The following KCNIP4 variants were observed in gnomAD, a reference collection of about 807,000 sequenced individuals.
KCNIP4 encodes the protein potassium voltage-gated channel interacting protein 4, also known as Kv channel-interacting protein 4.
KCNIP4 carries 12 observed loss-of-function variants against 34.0 expected under a neutral mutation model. The observed-to-expected ratio is 0.35, with a 90% confidence interval of 0.23 to 0.57. The LOEUF (loss-of-function observed/expected upper bound fraction) is 0.57, where lower values mean the gene tolerates loss of function less well. Ranked by LOEUF, KCNIP4 falls within the 20% of genes least tolerant of loss-of-function variation. The probability of loss-of-function intolerance (pLI) is 0.83; values close to 1 mark genes in which losing one functional copy is unlikely to be tolerated. For synonymous variants in KCNIP4, 124 were observed against 102.2 expected, an observed-to-expected ratio of 1.21 and a Z score of -1.29; for missense variants, 238 against 311.7, an observed-to-expected ratio of 0.76 and a Z score of 1.78.
At chr4:21,411,491 A>C (rs1560379502) in intron 1 of KCNIP4, among the ~76,000 whole-genome samples, 1 of 152,208 alleles carries the variant, frequency 6.6e-6, no homozygotes, top group Non-Finnish European at 1.5e-5. Flanking sequence ...AAGACCAAAG[A>C]AAATGTCTTT....
intron 8 of KCNIP4, 129 bp from the exon 9 acceptor site, chr4:20,730,258 G>GTGTT (rs558195532): frequency 5.6e-5 from 66 of 1,180,114 alleles, no homozygotes; most frequent in South Asian, 4.0e-4. Context: ...CAAATATTAA[G>GTGTT]TGTTTGCAAA....
At chr4:21,839,217 T>C (rs1441258354) in intron 1 of KCNIP4, among the ~76,000 whole-genome samples, 1 of 152,164 alleles carries the variant, frequency 6.6e-6, no homozygotes, top group African/African-American at 2.4e-5. Flanking sequence ...TGTAATTGAA[T>C]AATAAATCAA....
intron 1 of KCNIP4, among the ~76,000 whole-genome samples, chr4:21,409,711 G>C (rs796624119): frequency 6.6e-6 from 1 of 152,166 alleles, no homozygotes; most frequent in Non-Finnish European, 1.5e-5. Context: ...TAGGAAAAAA[G>C]GGGTCGATAA....
chr4:20,827,824 CAAAG>C (rs1717943808), intron 3 of KCNIP4, among the ~76,000 whole-genome samples: 2 of 126,184 alleles, frequency 1.6e-5, no homozygotes, highest in Non-Finnish European at 3.4e-5. Context: ...AAAAAAAAAA[CAAAG>C]AAAATAACAC....
At chr4:21,846,829 A>G (rs1032988230) in intron 1 of KCNIP4, 6 of 152,160 alleles carry the variant, frequency 3.9e-5, no homozygotes, top group African/African-American at 1.4e-4. Context: ...CCAGATCCCT[A>G]TACAACTGAG....
chr4:21,887,792 A>G (rs1396042938), intron 1 of KCNIP4, among the ~76,000 whole-genome samples: 1 of 152,166 alleles, frequency 6.6e-6, no homozygotes, highest in East Asian at 1.9e-4. Context: ...CATCCTTTAT[A>G]TATTCTAACT....
intron 1 of KCNIP4, among the ~76,000 whole-genome samples, chr4:21,929,646 G>T (rs2109006228): frequency 6.6e-6 from 1 of 152,104 alleles, no homozygotes; most frequent in East Asian, 1.9e-4. Context: ...GAACTGCTCA[G>T]TCTATTCCTT....
chr4:21,859,761 G>C (rs141289581), intron 1 of KCNIP4, among the ~76,000 whole-genome samples: 15 of 152,226 alleles, frequency 9.9e-5, no homozygotes, highest in Non-Finnish European at 1.6e-4. Context: ...GGGAGTGGCG[G>C]CTCATGCCTG....
intron 1 of KCNIP4, among the ~76,000 whole-genome samples, chr4:21,242,570 GTT>G (rs1759913894): frequency 6.6e-6 from 1 of 152,156 alleles, no homozygotes; most frequent in Non-Finnish European, 1.5e-5. Flanking sequence ...CCTCCAATGT[GTT>G]TGGGGATCAA....
At chr4:21,627,059 TTTC>T (rs1293460688) in intron 1 of KCNIP4, among the ~76,000 whole-genome samples, 71 of 152,300 alleles carry the variant, frequency 4.7e-4, no homozygotes, top group African/African-American at 1.7e-3. Flanking sequence ...GAAGTCAGAT[TTTC>T]TTTTTTACTT....
chr4:20,776,690 T>G (rs1756398907), intron 3 of KCNIP4, among the ~76,000 whole-genome samples: 1 of 152,242 alleles, frequency 6.6e-6, no homozygotes, highest in Non-Finnish European at 1.5e-5. Flanking sequence ...AATTATGTTT[T>G]ATTTTTTTCC....
chr4:21,362,232 G>C (rs1719308588), intron 1 of KCNIP4, among the ~76,000 whole-genome samples: 1 of 152,150 alleles, frequency 6.6e-6, no homozygotes, highest in Non-Finnish European at 1.5e-5. Context: ...TCACTTATTA[G>C]AAAATTATGC....
At chr4:21,467,955 A>G (rs1386622434) in intron 1 of KCNIP4, among the ~76,000 whole-genome samples, 3 of 152,202 alleles carry the variant, frequency 2.0e-5, no homozygotes, top group Non-Finnish European at 2.9e-5. Context: ...GGGTAGCACC[A>G]GCAAACCCTG....
intron 1 of KCNIP4, among the ~76,000 whole-genome samples, chr4:21,835,773 G>A (rs1444550965): frequency 2.0e-5 from 3 of 152,024 alleles, no homozygotes; most frequent in Admixed American, 1.3e-4. Flanking sequence ...ATAAAGACTA[G>A]AAGCAAACAA....
chr4:21,685,129 T>C (rs574299310), intron 1 of KCNIP4, among the ~76,000 whole-genome samples: 9 of 152,342 alleles, frequency 5.9e-5, no homozygotes, highest in African/African-American at 1.9e-4. Flanking sequence ...TTGAGTCATA[T>C]GTTCTACCTA....
At chr4:21,552,057 AAAC>A (rs1244430499) in intron 1 of KCNIP4, among the ~76,000 whole-genome samples, 2,269 of 120,756 alleles carry the variant, frequency 0.019, 66 homozygotes, top group African/African-American at 0.058. Flanking sequence ...AAAAAACAAA[AAAC>A]AACAACAAAA....
chr4:20,793,628 C>A (rs557623644), intron 3 of KCNIP4, among the ~76,000 whole-genome samples: 1 of 152,008 alleles, frequency 6.6e-6, no homozygotes, highest in Admixed American at 6.6e-5. Flanking sequence ...GGGTGGGATG[C>A]TTTTGGGATG....
At chr4:21,467,071 CAA>C (rs1491236722) in intron 1 of KCNIP4, among the ~76,000 whole-genome samples, 107 of 102,992 alleles carry the variant, frequency 1.0e-3, no homozygotes, top group Non-Finnish European at 1.5e-3. Flanking sequence ...CAAACCAAAA[CAA>C]ACACACACAC....
intron 1 of KCNIP4, among the ~76,000 whole-genome samples, chr4:21,187,825 C>A (rs189225649): frequency 6.6e-6 from 1 of 152,242 alleles, no homozygotes; most frequent in Non-Finnish European, 1.5e-5. Context: ...GCAGCAAATA[C>A]AAAATAACCT....
Sources: gnomAD v4.1 joint callset for allele counts (sites outside exome capture counted in the v4.1 genomes callset) on GRCh38, gnomAD v4.1.1 for gene constraint, MANE v1.5 for transcripts, NCBI Gene and HGNC (gene_info 2026-07-23, HGNC 2026-07-21) for gene names.